The following COL24A1 variants were observed in gnomAD, a reference collection of about 807,000 sequenced individuals.
COL24A1 encodes collagen type XXIV alpha 1 chain.
A neutral mutation model predicts 253.9 loss-of-function variants in COL24A1; 224 were observed. That is an observed-to-expected ratio of 0.88 (90% CI 0.79 to 0.99). COL24A1 has a LOEUF of 0.99. Ranked by LOEUF, COL24A1 falls within the 50% of genes least tolerant of loss-of-function variation. The pLI is 0.00. For synonymous variants in COL24A1, 685 were observed against 673.7 expected, an observed-to-expected ratio of 1.02 and a Z score of -0.26; for missense variants, 2,131 against 2,068.5, an observed-to-expected ratio of 1.03 and a Z score of -0.59.
chr1:86,085,115 A>G (rs904859837), intron 7 of COL24A1, among the ~76,000 whole-genome samples: 13 of 152,164 alleles, frequency 8.5e-5, no homozygotes, highest in African/African-American at 2.7e-4. Context: ...ATCTATATTC[A>G]GTATTAATAT....
Position 85,734,829 on chromosome 1 carries a change from T to C in COL24A1, c.4918A>G (p.Ile1640Val). ...STQTSGPGLPIGFKGWNGQIF... is the reference protein window; with the variant it reads ...STQTSGPGLPVGFKGWNGQIF... The stretch of plus-strand genomic sequence containing the variant: ...TGGCCATTCCATCCCTTGAAACCAA[T>C]AGGCAATCCTGGGCCACTTGTTTGT... The change falls in exon 59 of 60, where the codon ATT becomes GTT. Residue 1640 changes from isoleucine to valine, a missense_variant. Coordinates refer to ENST00000370571, the MANE Select transcript of COL24A1 (RefSeq NM_152890.7). 3 of 1,614,202 alleles carry C rather than the reference T, an allele frequency of 1.9e-6. No homozygotes were observed. Among genetic ancestry groups the C allele is most frequent in the South Asian group, 1.1e-5 (1 of 91,080 alleles).
chr1:86,004,077 T>A (rs1414882715), intron 19 of COL24A1, among the ~76,000 whole-genome samples: 1 of 152,130 alleles, frequency 6.6e-6, no homozygotes, highest in Non-Finnish European at 1.5e-5. Flanking sequence ...CCAAGGATGT[T>A]CCAGCTTCTG....
At chr1:86,098,537 C>G (rs1391138866) in intron 5 of COL24A1, among the ~76,000 whole-genome samples, 1 of 152,050 alleles carries the variant, frequency 6.6e-6, no homozygotes. Flanking sequence ...ACAGGGGAAA[C>G]AGTTTGGGGG....
chr1:85,740,795 A>G (rs1470315094), intron 57 of COL24A1, among the ~76,000 whole-genome samples: 1 of 150,360 alleles, frequency 6.7e-6, no homozygotes, highest in Non-Finnish European at 1.5e-5. Context: ...ATTATAGTGA[A>G]TAAACTGTGT....
At chr1:86,017,119 T>C in intron 19 of COL24A1, 32 bp downstream of exon 19, 1 of 1,575,088 alleles carries the variant, frequency 6.3e-7, no homozygotes, top group South Asian at 1.1e-5. Flanking sequence ...CCATTTTGTT[T>C]CAAATTTATT....
intron 57 of COL24A1, among the ~76,000 whole-genome samples, chr1:85,740,695 A>T (rs1664514472): frequency 6.6e-6 from 1 of 151,836 alleles, no homozygotes; most frequent in South Asian, 2.1e-4. Flanking sequence ...TCCGAAAAAA[A>T]TGTTGGCCTG....
At chr1:86,058,084 AT>A in intron 9 of COL24A1, 109 bp from the exon 10 acceptor site, 2 of 789,068 alleles carry the variant, frequency 2.5e-6, no homozygotes, top group Non-Finnish European at 4.0e-6. Flanking sequence ...AAACTATAGA[AT>A]TCAGAACTCT....
intron 18 of COL24A1, among the ~76,000 whole-genome samples, chr1:86,019,663 T>C (rs1697317040): frequency 6.6e-6 from 1 of 152,110 alleles, no homozygotes; most frequent in South Asian, 2.1e-4. Context: ...TGAATGCTTA[T>C]CTTATCTTCG....
intron 8 of COL24A1, among the ~76,000 whole-genome samples, chr1:86,059,948 C>G (rs1431993891): frequency 6.6e-6 from 1 of 152,150 alleles, no homozygotes; most frequent in African/African-American, 2.4e-5. Flanking sequence ...TGATCTCAGA[C>G]TTTCAGCCTC....
At chr1:85,832,854 C>T (rs938473825) in intron 43 of COL24A1, among the ~76,000 whole-genome samples, 1 of 150,732 alleles carries the variant, frequency 6.6e-6, no homozygotes, top group East Asian at 1.9e-4. Context: ...TCTAGATATA[C>T]AATCATGTCA....
intron 24 of COL24A1, among the ~76,000 whole-genome samples, chr1:85,935,488 C>A (rs755614622): frequency 6.8e-6 from 1 of 147,568 alleles, no homozygotes; most frequent in Non-Finnish European, 1.5e-5. Flanking sequence ...TCACTTCACT[C>A]CTATTTTCAA....
chr1:85,874,312 G>C (rs1263413424), intron 35 of COL24A1, among the ~76,000 whole-genome samples: 3 of 152,038 alleles, frequency 2.0e-5, no homozygotes, highest in Non-Finnish European at 4.4e-5. Flanking sequence ...TGTTAGGTCA[G>C]GAACTATTCT....
chr1:86,156,262 C>G (rs1342450544), intron 1 of COL24A1, 79 bp downstream of exon 1: 1 of 1,395,750 alleles, frequency 7.2e-7, no homozygotes, highest in Non-Finnish European at 9.9e-7. Context: ...CTTCAGATCT[C>G]CATCAGGCTC....
intron 57 of COL24A1, among the ~76,000 whole-genome samples, chr1:85,744,308 G>A (rs1162971155): frequency 6.6e-6 from 1 of 151,996 alleles, no homozygotes; most frequent in Non-Finnish European, 1.5e-5. Context: ...AGGGAGTATG[G>A]TGAAGGAGAT....
chr1:86,115,192 T>C, intron 4 of COL24A1, 133 bp downstream of exon 4: 1 of 744,984 alleles, frequency 1.3e-6, no homozygotes, highest in South Asian at 2.1e-5. Flanking sequence ...TCTCTTGAAT[T>C]GGCTAAGGTA....
Position 85,834,111 on chromosome 1 carries a change from TATAATA to T in COL24A1, c.3681+4468_3681+4473del, listed in dbSNP as rs925279070. Among the ~76,000 whole-genome samples the T allele has an allele frequency of 5.4e-4, 81 of 151,340 alleles. 1 individual carries two copies. Among genetic ancestry groups the T allele is most frequent in the Non-Finnish European group, 1.2e-4 (8 of 67,894 alleles). On this transcript the variant is annotated intron_variant, in intron 43 of 59. Coordinates refer to ENST00000370571, the MANE Select transcript of COL24A1 (RefSeq NM_152890.7). ...TGCACATGTACCCTAAAACTTAAAG[TATAATA>T]ATAATAAAATTTAAAAAAAAAGTAA...
At position 85,745,641 on chromosome 1, in the gene COL24A1, C is replaced by T. The variant is rs149620215; in HGVS notation, c.4438-135G>A. 8.5e-3 allele frequency: 4,896 copies of T among 573,892 alleles called. 205 individuals carry two copies. The highest frequency in any genetic ancestry group is 0.079 in the Admixed American group (2,039 of 25,808). The allele number at this position is 573,892 out of a possible 1,614,324, so 35.5% of individuals were successfully genotyped here. The stretch of plus-strand genomic sequence containing the variant: ...ATCTGAAGGGGTTCTGTAACTCTTA[C>T]GGTTAGACAGATTTTGCAAATATTG... On this transcript the variant is annotated intron_variant, in intron 55 of 59. Transcript: ENST00000370571.
chr1:85,982,815 T>C (rs1484047143), intron 20 of COL24A1, among the ~76,000 whole-genome samples: 1 of 152,014 alleles, frequency 6.6e-6, no homozygotes, highest in African/African-American at 2.4e-5. Flanking sequence ...ACAGTACCCT[T>C]CCCATTGTAC....
intron 20 of COL24A1, among the ~76,000 whole-genome samples, chr1:85,972,408 G>C (rs971625479): frequency 6.6e-6 from 1 of 152,042 alleles, no homozygotes; most frequent in African/African-American, 2.4e-5. Flanking sequence ...CAGTTTAAAA[G>C]TCTATAATAT....
Sources: allele counts gnomAD v4.1 joint callset (sites outside exome capture counted in the v4.1 genomes callset), GRCh38; gene constraint gnomAD v4.1.1; transcripts MANE v1.5; gene names NCBI Gene and HGNC (gene_info 2026-07-23, HGNC 2026-07-21).